ASXL2: variants seen among roughly 807,000 people sequenced by gnomAD.
The protein encoded by ASXL2 is ASXL transcriptional regulator 2, also known as putative Polycomb group protein ASXL2.
ASXL2 carries 23 observed loss-of-function variants against 122.0 expected under a neutral mutation model. The ratio of observed to expected loss-of-function variants is 0.19; its 90% confidence interval spans 0.14 to 0.27. The LOEUF (loss-of-function observed/expected upper bound fraction) is 0.27, where lower values mean the gene tolerates loss of function less well. ASXL2 is among the 10% of genes least tolerant of loss of function. ASXL2 has a pLI of 1.00. For missense variants in ASXL2, 1,518 were observed against 1,713.8 expected (o/e 0.89, Z 2.02); for synonymous variants, 650 against 637.0 (o/e 1.02, Z -0.31).
At chr2:25,765,554 C>T (rs1054320542) in intron 8 of ASXL2, among the ~76,000 whole-genome samples, 2 of 152,002 alleles carry the variant, frequency 1.3e-5, no homozygotes, top group Non-Finnish European at 2.9e-5. Context: ...TTTCCCTTTA[C>T]GCTCATTTGC....
chr2:25,778,311 A>G (rs1320734484), intron 5 of ASXL2, among the ~76,000 whole-genome samples: 1 of 152,260 alleles, frequency 6.6e-6, no homozygotes, highest in Non-Finnish European at 1.5e-5. Flanking sequence ...GATACAGATG[A>G]GAAGGCAATG....
intron 2 of ASXL2, among the ~76,000 whole-genome samples, chr2:25,842,318 C>G (rs2089592741): frequency 6.6e-6 from 1 of 152,128 alleles, no homozygotes; most frequent in African/African-American, 2.4e-5. Flanking sequence ...CTTTGTTGTG[C>G]TGTAACTGCA....
intron 1 of ASXL2, among the ~76,000 whole-genome samples, chr2:25,867,252 T>C (rs1349620621): frequency 2.0e-5 from 3 of 152,014 alleles, no homozygotes; most frequent in Admixed American, 1.3e-4. Context: ...AAAATGAGAA[T>C]TGTATTGTGC....
At chr2:25,857,370 T>A (rs1228841026) in intron 1 of ASXL2, among the ~76,000 whole-genome samples, 1 of 152,230 alleles carries the variant, frequency 6.6e-6, no homozygotes, top group Non-Finnish European at 1.5e-5. Context: ...TCTGGGTAGC[T>A]GGGACAAGGA....
intron 1 of ASXL2, among the ~76,000 whole-genome samples, chr2:25,852,966 C>T (rs987364560): frequency 2.0e-5 from 3 of 152,138 alleles, no homozygotes; most frequent in African/African-American, 7.2e-5. Context: ...GGGATTAAAA[C>T]AACTCTTTCT....
At position 25,835,957 on chromosome 2, in the gene ASXL2, T is replaced by C. The variant is rs969922516; in HGVS notation, c.141-417A>G. On this transcript the variant is annotated intron_variant, in intron 2 of 12. Transcript: ENST00000435504. ...GGTTTATTAGCTTCCCTGTGATACA[T>C]AATGGAGCTCTTATGGATCTGAATT... Among the ~76,000 whole-genome samples, 4 of 152,222 alleles carry C rather than the reference T, an allele frequency of 2.6e-5. No homozygotes were observed. In the East Asian group the frequency reaches 7.7e-4, roughly 29 times the overall value.
intron 5 of ASXL2, among the ~76,000 whole-genome samples, chr2:25,798,836 G>A (rs1424182190): frequency 6.6e-6 from 1 of 152,184 alleles, no homozygotes; most frequent in African/African-American, 2.4e-5. Flanking sequence ...GAAGATTTGA[G>A]GGCAATGAAA....
At chr2:25,765,557 T>C (rs2088333562) in intron 8 of ASXL2, among the ~76,000 whole-genome samples, 1 of 152,184 alleles carries the variant, frequency 6.6e-6, no homozygotes, top group African/African-American at 2.4e-5. Flanking sequence ...CCCTTTACGC[T>C]CATTTGCTTG....
chr2:25,856,381 TTTTGACACCAG>T, intron 1 of ASXL2: 1 of 479,210 alleles, frequency 2.1e-6, no homozygotes, highest in Non-Finnish European at 3.9e-6. Context: ...TTTTTTTTTT[TTTTGACACCAG>T]TGTTTATTTC....
In ASXL2 at chr2:25,812,000, G is replaced by A. The variant is rs1035785740; in HGVS notation, c.144-5663C>T. On this transcript the variant is annotated intron_variant, in intron 3 of 12. Coordinates refer to ENST00000435504, the MANE Select transcript of ASXL2 (RefSeq NM_018263.6). The stretch of plus-strand genomic sequence containing the variant: ...CCTCCTGACCTCAAGTGATCCACAC[G>A]CATCAGCCTCCCAAAGTGCTGGGAT... 5.3e-5 allele frequency among the ~76,000 whole-genome samples: 8 copies of A among 151,876 alleles called. No homozygotes were observed. In the South Asian group the frequency reaches 6.2e-4, roughly 12 times the overall value.
Position 25,799,479 on chromosome 2 carries a change from A to G in ASXL2, c.309T>C (p.Asp103=), listed in dbSNP as rs572373558. 93 of 1,613,986 alleles carry G rather than the reference A, an allele frequency of 5.8e-5. 2 individuals are homozygous for G. In the South Asian group the frequency reaches 9.7e-4, roughly 17 times the overall value. The change falls in exon 5 of 13, where the codon GAT becomes GAC. Residue 103 remains aspartate (D), a synonymous_variant. Coordinates refer to ENST00000435504, the MANE Select transcript of ASXL2 (RefSeq NM_018263.6). ...CAGAACTCTGGGAATCTGACTGACCATCACTGCTTTCTTCTGAACCTTCTG... is the reference window on the plus strand; with the variant it reads ...CAGAACTCTGGGAATCTGACTGACCGTCACTGCTTTCTTCTGAACCTTCTG... ...ELSEGSEESS[D]GQSDSQSSEN...
intron 1 of ASXL2, among the ~76,000 whole-genome samples, chr2:25,872,059 A>C (rs564181110): frequency 3.7e-4 from 57 of 152,342 alleles, no homozygotes; most frequent in South Asian, 1.2e-3. Flanking sequence ...ATAAATGTAA[A>C]GCAGAGATCA....
chr2:25,751,008 C>T (rs184929093), intron 11 of ASXL2, among the ~76,000 whole-genome samples: 16 of 152,270 alleles, frequency 1.1e-4, no homozygotes, highest in African/African-American at 3.6e-4. Flanking sequence ...CATTTAAATC[C>T]CACTTGGTTT....
chr2:25,762,070 A>C (rs1040609139), intron 8 of ASXL2, among the ~76,000 whole-genome samples: 4 of 152,146 alleles, frequency 2.6e-5, no homozygotes, highest in African/African-American at 9.7e-5. Context: ...ATTTAAGTCT[A>C]GATAGAAAAG....
chr2:25,797,375 G>A (rs546136322), intron 5 of ASXL2, among the ~76,000 whole-genome samples: 1 of 152,306 alleles, frequency 6.6e-6, no homozygotes, highest in South Asian at 2.1e-4. Context: ...AACCCAGAAG[G>A]CGGAGGTTGC....
intron 8 of ASXL2, among the ~76,000 whole-genome samples, chr2:25,765,586 C>G (rs2088334137): frequency 6.6e-6 from 1 of 152,078 alleles, no homozygotes; most frequent in Non-Finnish European, 1.5e-5. Flanking sequence ...TGGACTTCTG[C>G]TTACTTCTCA....
Position 25,768,815 on chromosome 2 carries a change from T to C in ASXL2, c.558A>G (p.Ile186Met), listed in dbSNP as rs1387878469. 6.2e-7 allele frequency: 1 copy of C among 1,613,914 alleles called. No homozygotes were observed. Among genetic ancestry groups the C allele is most frequent in the Non-Finnish European group, 8.5e-7 (1 of 1,179,796 alleles). ...KKQQQQCRPS[I>M]SISSNQHLSL... ...AGAGATGCTGGTTGGAGGAGATGGA[T>C]ATGCTTGGCCTGCATTGCTGCTGCT... The change falls in exon 7 of 13, where the codon ATA (isoleucine) becomes ATG (methionine). Residue 186 changes from isoleucine (I) to methionine (M), a missense_variant. This residue lies in a region of ASXL2 where 198 missense variants were observed against 209.0 expected (regional missense o/e 0.95). Coordinates refer to ENST00000435504, the MANE Select transcript of ASXL2 (RefSeq NM_018263.6).
intron 1 of ASXL2, chr2:25,857,007 C>A (rs1020523203): frequency 4.6e-6 from 1 of 218,552 alleles, no homozygotes; most frequent in East Asian, 8.7e-5. Flanking sequence ...CAAGTTTCTT[C>A]ATCACATGTC....
intron 1 of ASXL2, among the ~76,000 whole-genome samples, chr2:25,867,878 T>C (rs2089922673): frequency 6.6e-6 from 1 of 152,224 alleles, no homozygotes; most frequent in South Asian, 2.1e-4. Context: ...TCCATCGTCC[T>C]AGAATACCCA....
Sources: allele counts gnomAD v4.1 joint callset (sites outside exome capture counted in the v4.1 genomes callset), GRCh38; gene constraint gnomAD v4.1.1; regional missense constraint gnomAD v4.1.1; transcripts MANE v1.5; gene names NCBI Gene and HGNC (gene_info 2026-07-23, HGNC 2026-07-21).